Variants in TANC2 observed in about 807,000 individuals in gnomAD.
The protein encoded by TANC2 is protein TANC2.
In TANC2, 26 loss-of-function variants were observed where a neutral mutation model predicts 210.5. The ratio of observed to expected loss-of-function variants is 0.12; its 90% CI spans 0.09 to 0.17. The LOEUF (loss-of-function observed/expected upper bound fraction) is 0.17, where lower values mean the gene tolerates loss of function less well. TANC2 is among the 10% of genes least tolerant of loss of function. The pLI, the probability that TANC2 is intolerant of heterozygous loss-of-function variation, is 1.00. For missense variants in TANC2, 2,129 were observed against 2,608.9 expected (o/e 0.82, Z 4.01); for synonymous variants, 931 against 967.1 (o/e 0.96, Z 0.69).
At chr17:63,361,643 C>G (rs1218300153) in intron 14 of TANC2, among the ~76,000 whole-genome samples, 3 of 152,244 alleles carry the variant, frequency 2.0e-5, no homozygotes, top group African/African-American at 7.2e-5. Context: ...GTCCCTAGGT[C>G]TGGGCTCCTC....
intron 17 of TANC2, among the ~76,000 whole-genome samples, chr17:63,394,170 C>T (rs1319810888): frequency 3.3e-5 from 5 of 152,170 alleles, no homozygotes; most frequent in South Asian, 4.1e-4. Flanking sequence ...AAAGGGAAAG[C>T]GATCCCTTCT....
intron 9 of TANC2, among the ~76,000 whole-genome samples, chr17:63,314,134 T>C (rs960315668): frequency 3.9e-5 from 6 of 152,210 alleles, no homozygotes; most frequent in African/African-American, 1.4e-4. Flanking sequence ...CATCCCGACT[T>C]TCGGACTGAT....
At chr17:63,385,176 T>G (rs1219566879) in intron 15 of TANC2, among the ~76,000 whole-genome samples, 5 of 151,922 alleles carry the variant, frequency 3.3e-5, no homozygotes, top group Admixed American at 3.3e-4. Context: ...AATGTCAGAT[T>G]TCCTGCCTTT....
chr17:63,025,857 T>TAAAATAAAATAAAATAAAAA (rs1555757323), intron 2 of TANC2, among the ~76,000 whole-genome samples: 1 of 148,858 alleles, frequency 6.7e-6, no homozygotes, highest in African/African-American at 2.5e-5. Flanking sequence ...TAAAATAAAA[T>TAAAATAAAATAAAATAAAAA]AAAAAATAAA....
intron 9 of TANC2, among the ~76,000 whole-genome samples, chr17:63,278,674 C>T (rs1252016856): frequency 6.6e-6 from 1 of 152,076 alleles, no homozygotes; most frequent in Non-Finnish European, 1.5e-5. Flanking sequence ...TATTTTCACT[C>T]CTATGTTTAT....
chr17:63,016,599 C>A (rs1335586967), intron 2 of TANC2, among the ~76,000 whole-genome samples: 1 of 152,094 alleles, frequency 6.6e-6, no homozygotes, highest in East Asian at 1.9e-4. Flanking sequence ...ATTTCTGGGT[C>A]ATATGGTAAT....
At chr17:63,244,004 A>C (rs570380681) in intron 8 of TANC2, among the ~76,000 whole-genome samples, 1 of 152,300 alleles carries the variant, frequency 6.6e-6, no homozygotes, top group African/African-American at 2.4e-5. Flanking sequence ...GTCAGAGCCA[A>C]ATCAAGACTG....
At chr17:63,039,128 A>G (rs2035085330) in intron 2 of TANC2, among the ~76,000 whole-genome samples, 1 of 152,246 alleles carries the variant, frequency 6.6e-6, no homozygotes, top group African/African-American at 2.4e-5. Flanking sequence ...ATGATATGGT[A>G]TGTAAAAAAT....
chr17:63,129,427 A>G (rs905514440), intron 4 of TANC2, among the ~76,000 whole-genome samples: 3 of 152,214 alleles, frequency 2.0e-5, no homozygotes, highest in South Asian at 2.1e-4. Context: ...TGTGCATAAC[A>G]AGAGTAGCTA....
At chr17:63,187,546 G>GTTTTATGT (rs1555600753) in intron 5 of TANC2, among the ~76,000 whole-genome samples, 1 of 151,390 alleles carries the variant, frequency 6.6e-6, no homozygotes, top group Admixed American at 6.6e-5. Flanking sequence ...CAAAAATTAT[G>GTTTTATGT]TTTTTTATAT....
At chr17:63,272,235 T>C (rs567190625) in intron 9 of TANC2, among the ~76,000 whole-genome samples, 5 of 152,286 alleles carry the variant, frequency 3.3e-5, no homozygotes, top group Admixed American at 2.0e-4. Flanking sequence ...TTGCTTGTTT[T>C]TGTCAGTTTT....
chr17:62,999,851 G>A (rs78978442), intron 1 of TANC2, among the ~76,000 whole-genome samples: 1 of 152,228 alleles, frequency 6.6e-6, no homozygotes, highest in East Asian at 1.9e-4. Flanking sequence ...GCTCATCAGC[G>A]GTAGACTGGA....
intron 4 of TANC2, among the ~76,000 whole-genome samples, chr17:63,134,355 G>A (rs1212762485): frequency 6.6e-6 from 1 of 152,064 alleles, no homozygotes; most frequent in Non-Finnish European, 1.5e-5. Flanking sequence ...ATATATGCAA[G>A]GCACTATGCT....
In TANC2 at chr17:63,418,398, G is replaced by A. The variant is rs752099639; in HGVS notation, c.4259G>A (p.Arg1420His). ...TACTATGCGAGAGCAAGGGCAAAACGCAGCAGCAGGTGAGGAGAGAGAGAG... is the reference window on the plus strand; with the variant it reads ...TACTATGCGAGAGCAAGGGCAAAACACAGCAGCAGGTGAGGAGAGAGAGAG... The change falls in exon 27 of 28, where the codon CGC becomes CAC. Residue 1420 changes from arginine (R) to histidine (H), a missense_variant. By Grantham distance (29) the Arg-to-His change is conservative. Around this residue, in one of 5 missense-constraint regions of TANC2, gnomAD observed 644 missense variants for 937.5 expected, o/e 0.69. Coordinates refer to ENST00000689528, the Ensembl canonical transcript of TANC2. The surrounding 1 kb of genome is among the most constrained non-coding windows in gnomAD (Gnocchi z 4.6). 12 of 1,611,588 alleles carry A rather than the reference G, an allele frequency of 7.4e-6. No individual in the cohort carries two copies. The highest frequency in any genetic ancestry group is 1.1e-5 in the South Asian group (1 of 90,238).
At chr17:63,222,680 A>G (rs1415046151) in intron 7 of TANC2, among the ~76,000 whole-genome samples, 13 of 151,994 alleles carry the variant, frequency 8.6e-5, no homozygotes, top group African/African-American at 2.4e-4. Context: ...TAAAGTATGA[A>G]TCTTATTGTA....
intron 8 of TANC2, among the ~76,000 whole-genome samples, chr17:63,264,205 T>C (rs2043454087): frequency 1.3e-5 from 2 of 152,194 alleles, no homozygotes; most frequent in South Asian, 4.1e-4. Context: ...TCTACTAATA[T>C]ACCATTAGTT....
intron 3 of TANC2, among the ~76,000 whole-genome samples, chr17:63,090,906 G>C (rs1235804007): frequency 6.6e-6 from 1 of 152,178 alleles, no homozygotes; most frequent in Non-Finnish European, 1.5e-5. Context: ...CATTCTAACT[G>C]GTGTGAGATG....
In TANC2 at chr17:63,379,811, A is replaced by G. The variant is rs375203124; in HGVS notation, c.2676A>G (p.Lys892=). 6.2e-6 allele frequency: 10 copies of G among 1,610,938 alleles called. No individual in the cohort carries two copies. The African/African-American group carries it at 1.2e-4, about 19-fold the overall frequency. The change falls in exon 15 of 28, where the codon AAA becomes AAG. Residue 892 remains lysine (K), a synonymous_variant. Transcript: ENST00000689528. ...TTGAACTGGGACATCACATCCTCAA[A>G]GCACACATTTTTAAGGTAATTAAAG...
intron 7 of TANC2, among the ~76,000 whole-genome samples, chr17:63,214,030 C>G (rs1228041810): frequency 6.6e-6 from 1 of 152,168 alleles, no homozygotes; most frequent in Non-Finnish European, 1.5e-5. Context: ...AGGGAAGATA[C>G]TACAGAGCTG....
Sources: allele counts gnomAD v4.1 joint callset (sites outside exome capture counted in the v4.1 genomes callset), GRCh38; gene constraint gnomAD v4.1.1; regional missense constraint gnomAD v4.1.1; non-coding constraint Gnocchi (gnomAD v3.1); transcripts MANE v1.5; gene names NCBI Gene and HGNC (gene_info 2026-07-23, HGNC 2026-07-21).